KAT7: variants seen among roughly 807,000 people sequenced by gnomAD.
The protein encoded by KAT7 is lysine acetyltransferase 7.
Under a neutral mutation model 82.1 loss-of-function variants are expected in KAT7, and 10 were observed. That is an observed-to-expected ratio of 0.12 (90% CI 0.08 to 0.21). The LOEUF (loss-of-function observed/expected upper bound fraction) is 0.21. Among genes scored for constraint, KAT7 ranks in the 10% least tolerant of loss-of-function variants. The pLI, the probability that KAT7 is intolerant of heterozygous loss-of-function variation, is 1.00. For missense variants in KAT7, 378 were observed against 760.9 expected (o/e 0.50, Z 5.92); for synonymous variants, 250 against 262.5 (o/e 0.95, Z 0.46).
chr17:49,827,308 G>T, intron 14 of KAT7, 93 bp from the exon 15 acceptor site: 1 of 762,514 alleles, frequency 1.3e-6, no homozygotes, highest in Non-Finnish European at 2.3e-6. Context: ...TAAACCTTTG[G>T]CAATTCCTTC....
At chr17:49,803,052 A>G (rs770827660) in intron 4 of KAT7, among the ~76,000 whole-genome samples, 20 of 149,822 alleles carry the variant, frequency 1.3e-4, no homozygotes, top group Non-Finnish European at 2.2e-4. Context: ...TATGTATGGT[A>G]TTTGATCAGT....
At chr17:49,797,340 G>A (rs539536839) in intron 3 of KAT7, among the ~76,000 whole-genome samples, 1 of 152,264 alleles carries the variant, frequency 6.6e-6, no homozygotes, top group East Asian at 1.9e-4. Context: ...TGGGATTACA[G>A]GTATAAGCCA....
intron 12 of KAT7, among the ~76,000 whole-genome samples, chr17:49,823,927 A>T (rs558818484): frequency 6.6e-6 from 1 of 152,192 alleles, no homozygotes; most frequent in South Asian, 2.1e-4. Flanking sequence ...GTTGATTTTA[A>T]ATGGCCCCTA....
At chr17:49,790,387 G>A (rs1277601876) in intron 1 of KAT7, among the ~76,000 whole-genome samples, 4 of 152,228 alleles carry the variant, frequency 2.6e-5, no homozygotes, top group Non-Finnish European at 4.4e-5. Context: ...AATAGAGACG[G>A]GATTTCACCA....
intron 5 of KAT7, among the ~76,000 whole-genome samples, chr17:49,807,846 T>C (rs764509126): frequency 7.9e-5 from 12 of 152,172 alleles, no homozygotes; most frequent in African/African-American, 2.7e-4. Flanking sequence ...GAGAAGAATC[T>C]AGGATAACAT....
rs141200367 is a variant in KAT7 at position 49,809,146 on chromosome 17, A to G, written c.691A>G (p.Ile231Val). The G allele has an allele frequency of 1.7e-3, 2,715 of 1,614,158 alleles. 3 individuals are homozygous for G. Among genetic ancestry groups the G allele is most frequent in the Non-Finnish European group, 2.0e-3 (2,366 of 1,179,982 alleles). Residue 231 changes from isoleucine to valine, a missense_variant, in exon 6 of 15, where the codon ATA (isoleucine) becomes GTA (valine). Coordinates refer to ENST00000259021, the MANE Select transcript of KAT7 (RefSeq NM_007067.5). ...GAGAGCACAGAGCCGGGATAAGCAG[A>G]TAGAAGAAAGGATGCTGTCTCACAG... ...KVRAQSRDKQIEERMLSHRQD... is the reference protein window; with the variant it reads ...KVRAQSRDKQVEERMLSHRQD...
chr17:49,826,452 G>GT (rs2074369714), intron 13 of KAT7: 1 of 512,384 alleles, frequency 2.0e-6, no homozygotes. Context: ...GAACAATTTA[G>GT]TTTGATCTAT....
intron 9 of KAT7, among the ~76,000 whole-genome samples, chr17:49,819,701 C>CTTA: frequency 6.6e-6 from 1 of 152,072 alleles, no homozygotes; most frequent in Non-Finnish European, 1.5e-5. Context: ...GTTCTTATTC[C>CTTA]CGTTGCTTCA....
Position 49,805,465 on chromosome 17 carries a change from T to C in KAT7, c.663+20T>C, listed in dbSNP as rs771028615. On this transcript the variant is annotated intron_variant, in intron 5 of 14. Transcript: ENST00000259021. ...TGCAAGGTAATTGTGCTCTCATTTA[T>C]TCAACACATGCTTATTGAGTGCTTA... The C allele has an allele frequency of 6.4e-7, 1 of 1,558,976 alleles. No individual in the cohort carries two copies. Among genetic ancestry groups the C allele is most frequent in the Non-Finnish European group, 8.8e-7 (1 of 1,130,218 alleles).
Position 49,832,592 on chromosome 17 carries a change from G to A in KAT7, c.*5090G>A, listed in dbSNP as rs1349318156. 2 of 152,222 alleles carry A rather than the reference G, an allele frequency of 1.3e-5. No homozygotes were observed. Among genetic ancestry groups the A allele is most frequent in the African/African-American group, 4.8e-5 (2 of 41,460 alleles). 9.4% of individuals were successfully genotyped at this position (152,222 alleles called of 1,614,324 possible). A position where few individuals can be genotyped will look rare whatever the true frequency, so the allele number is the denominator to read the frequency against. ...CTGGTTTGAGAAAAAGCCCCAGTGA[G>A]ACAGCAGGAATCCTTTTACCATACA... On this transcript the variant is annotated 3_prime_UTR_variant, in exon 15 of 15. Coordinates refer to ENST00000259021, the MANE Select transcript of KAT7 (RefSeq NM_007067.5).
intron 9 of KAT7, among the ~76,000 whole-genome samples, chr17:49,819,140 T>A (rs1031660069): frequency 6.6e-6 from 1 of 152,228 alleles, no homozygotes; most frequent in African/African-American, 2.4e-5. Context: ...ATGTTGAGCA[T>A]CTATGACCCA....
chr17:49,821,105 T>C (rs2074298198), intron 9 of KAT7, among the ~76,000 whole-genome samples: 1 of 152,236 alleles, frequency 6.6e-6, no homozygotes, highest in Non-Finnish European at 1.5e-5. Flanking sequence ...TGCCAGAATG[T>C]AATCCAGAAT....
intron 4 of KAT7, 59 bp from the exon 5 acceptor site, chr17:49,805,304 A>G (rs2074077652): frequency 3.3e-6 from 4 of 1,196,062 alleles, no homozygotes; most frequent in East Asian, 2.3e-5. Flanking sequence ...TCTTAGAGAA[A>G]CATACTACTT....
chr17:49,826,173 T>A lies in KAT7; in HGVS notation c.1627+27T>A, dbSNP rs746173829. 8.1e-6 allele frequency: 13 copies of A among 1,605,846 alleles called. No individual in the cohort carries two copies. The Admixed American group carries it at 1.8e-4, about 23-fold the overall frequency. On this transcript the variant is annotated intron_variant, in intron 13 of 14. Coordinates refer to ENST00000259021, the MANE Select transcript of KAT7 (RefSeq NM_007067.5). ...TTGGTTTTTGACTCCTTGGAATGGTTGATTGTTACCCAAGAAGTTAACTCT... is the reference window on the plus strand; with the variant it reads ...TTGGTTTTTGACTCCTTGGAATGGTAGATTGTTACCCAAGAAGTTAACTCT...
At chr17:49,803,165 A>G (rs968727642) in intron 4 of KAT7, among the ~76,000 whole-genome samples, 15 of 151,432 alleles carry the variant, frequency 9.9e-5, no homozygotes, top group African/African-American at 7.3e-5. Context: ...CTGGAGTGCA[A>G]TGATGTGATC....
At chr17:49,827,234 A>G (rs1165113139) in intron 14 of KAT7, 167 bp from the exon 15 acceptor site, 3 of 589,794 alleles carry the variant, frequency 5.1e-6, no homozygotes, top group Non-Finnish European at 9.1e-6. Flanking sequence ...GGAAGAATGG[A>G]TTAGATAGGA....
chr17:49,796,237 C>T (rs770558218), intron 2 of KAT7, among the ~76,000 whole-genome samples: 9 of 151,960 alleles, frequency 5.9e-5, no homozygotes, highest in South Asian at 2.1e-4. Flanking sequence ...GAAAGGAAAT[C>T]GTTTTGTTTG....
intron 4 of KAT7, among the ~76,000 whole-genome samples, chr17:49,804,422 T>C (rs1034871979): frequency 6.6e-6 from 1 of 152,092 alleles, no homozygotes; most frequent in African/African-American, 2.4e-5. Context: ...AGATACCCAT[T>C]TAAATAAAAC....
intron 2 of KAT7, among the ~76,000 whole-genome samples, chr17:49,792,786 T>G (rs1330752656): frequency 6.6e-6 from 1 of 152,100 alleles, no homozygotes; most frequent in African/African-American, 2.4e-5. Context: ...TAAGCTATGA[T>G]GCTCGGTAGG....
Sources: gnomAD v4.1 joint callset for allele counts (sites outside exome capture counted in the v4.1 genomes callset) on GRCh38, gnomAD v4.1.1 for gene constraint, MANE v1.5 for transcripts, NCBI Gene and HGNC (gene_info 2026-07-23, HGNC 2026-07-21) for gene names.